Variants in DPYSL3 observed in about 807,000 individuals in gnomAD.
DPYSL3 encodes dihydropyrimidinase like 3, also known as dihydropyrimidinase-related protein 3.
In DPYSL3, 16 loss-of-function variants were observed where a neutral mutation model predicts 66.1. The ratio of observed to expected loss-of-function variants is 0.24; its 90% CI spans 0.16 to 0.37. DPYSL3 has a LOEUF of 0.37. DPYSL3 is among the 10% of genes least tolerant of loss of function. DPYSL3 has a pLI of 1.00. For missense variants in DPYSL3, 738 were observed against 916.2 expected, an observed-to-expected ratio of 0.81 and a Z score of 2.51; for synonymous variants, 338 against 345.1, an observed-to-expected ratio of 0.98 and a Z score of 0.23.
rs149517087 is a variant in DPYSL3, at chr5:147,482,220, C to T, written c.381+27258G>A. On this transcript the variant is annotated intron_variant, in intron 1 of 13. Coordinates refer to ENST00000343218, the MANE Select transcript of DPYSL3 (RefSeq NM_001197294.2). ...ATTTACCAAGGACTTAGTAATTACACGATAAACAATAGCTATCAGTTTGGA... is the reference window on the plus strand; with the variant it reads ...ATTTACCAAGGACTTAGTAATTACATGATAAACAATAGCTATCAGTTTGGA... Among the ~76,000 whole-genome samples, 934 of 152,254 alleles carry T rather than the reference C, an allele frequency of 6.1e-3. 20 individuals are homozygous for T. Among genetic ancestry groups the T allele is most frequent in the Non-Finnish European group, 2.7e-3 (187 of 68,014 alleles).
intron 1 of DPYSL3, among the ~76,000 whole-genome samples, chr5:147,438,275 AG>A (rs1752450811): frequency 6.6e-6 from 1 of 152,194 alleles, no homozygotes; most frequent in South Asian, 2.1e-4. Context: ...AACTTCTTCA[AG>A]TTGTATTGAT....
intron 1 of DPYSL3, among the ~76,000 whole-genome samples, chr5:147,437,209 G>A (rs1752428070): frequency 6.6e-6 from 1 of 152,172 alleles, no homozygotes; most frequent in South Asian, 2.1e-4. Flanking sequence ...CTGACAGCTG[G>A]CTTTGACAGG....
chr5:147,487,011 A>G lies in DPYSL3; in HGVS notation c.381+22467T>C, dbSNP rs560782750. 9.2e-5 allele frequency among the ~76,000 whole-genome samples: 14 copies of G among 152,280 alleles called. No homozygotes were observed. The South Asian group carries it at 1.9e-3, about 20-fold the overall frequency. On this transcript the variant is annotated intron_variant, in intron 1 of 13. Coordinates refer to ENST00000343218, the MANE Select transcript of DPYSL3 (RefSeq NM_001197294.2). ...GTTTAGCATTCTCCCCCTTTGCTTA[A>G]CAATGCCACATGCTATTAACTCCGA...
At chr5:147,406,476 C>T (rs1317869846) in intron 7 of DPYSL3, among the ~76,000 whole-genome samples, 1 of 152,186 alleles carries the variant, frequency 6.6e-6, no homozygotes, top group East Asian at 1.9e-4. Context: ...CCCAAAGCCT[C>T]AGTTTCCTTG....
chr5:147,435,133 A>G (rs1445659300), intron 1 of DPYSL3, among the ~76,000 whole-genome samples: 1 of 152,154 alleles, frequency 6.6e-6, no homozygotes, highest in Non-Finnish European at 1.5e-5. Flanking sequence ...GAGAGGAGAG[A>G]GGCAGGCAGA....
At chr5:147,494,743 GTGATAGGCGCCTGTATTCCCAGCTACTC>G (rs1753473474) in intron 1 of DPYSL3, among the ~76,000 whole-genome samples, 1 of 150,342 alleles carries the variant, frequency 6.7e-6, no homozygotes, top group Admixed American at 6.6e-5. Flanking sequence ...GCCGGGCATG[GTGATAGGCGCCTGTATTCCCAGCTACTC>G]AGGAGGCTGA....
rs762704588 is a variant in DPYSL3, at chr5:147,453,526, G to A, written c.382-28563C>T. The A allele has an allele frequency of 7.9e-6, 12 of 1,523,164 alleles. No individual in the cohort carries two copies. In the South Asian group the frequency reaches 1.5e-4, roughly 19 times the overall value. 94.4% of individuals were successfully genotyped at this position (1,523,164 alleles called of 1,614,324 possible). ...GGACAGGGAGCGAGCGAGGAGGGAG[G>A]GAGCAGCGGCGCCCGGACTCACCGT... On this transcript the variant is annotated intron_variant, in intron 1 of 13. Coordinates refer to ENST00000343218, the MANE Select transcript of DPYSL3 (RefSeq NM_001197294.2).
chr5:147,497,627 C>T (rs967887578), intron 1 of DPYSL3, among the ~76,000 whole-genome samples: 2 of 151,682 alleles, frequency 1.3e-5, no homozygotes, highest in African/African-American at 4.8e-5. Flanking sequence ...ATAATCCAAA[C>T]AGGCTAAAGA....
At chr5:147,455,273 G>C (rs1752826485) in intron 1 of DPYSL3, among the ~76,000 whole-genome samples, 1 of 152,154 alleles carries the variant, frequency 6.6e-6, no homozygotes. Flanking sequence ...GACACACAAA[G>C]CCCCCCTTAA....
chr5:147,420,046 C>G (rs1752048570), intron 2 of DPYSL3, among the ~76,000 whole-genome samples: 1 of 152,108 alleles, frequency 6.6e-6, no homozygotes, highest in Non-Finnish European at 1.5e-5. Context: ...ACTGCTCCAC[C>G]AACGAAGGCC....
chr5:147,398,154 T>C (rs1193231901), intron 11 of DPYSL3, among the ~76,000 whole-genome samples: 2 of 152,200 alleles, frequency 1.3e-5, no homozygotes, highest in Non-Finnish European at 2.9e-5. Flanking sequence ...ATCACTGTCT[T>C]GTATTGAGCA....
intron 1 of DPYSL3, among the ~76,000 whole-genome samples, chr5:147,497,392 A>G (rs1470400262): frequency 6.6e-6 from 1 of 152,080 alleles, no homozygotes; most frequent in Admixed American, 6.6e-5. Flanking sequence ...CTAAAACTTA[A>G]AGTATAATAA....
In DPYSL3 at chr5:147,424,919, A is replaced by C; in HGVS notation, c.426T>G (p.Asp142Glu). 6.2e-7 allele frequency: 1 copy of C among 1,613,388 alleles called. No homozygotes were observed. ...TGTAAATATCAGCATAAAAGGACTGATCATCATTGACGATTCTGCCTCCCT... is the reference window on the plus strand; with the variant it reads ...TGTAAATATCAGCATAAAAGGACTGCTCATCATTGACGATTCTGCCTCCCT... ...LIKGGRIVND[D>E]QSFYADIYME... Residue 142 changes from aspartate (D) to glutamate (E), a missense_variant, in exon 2 of 14, where the codon GAT becomes GAG. By Grantham distance (45) the Asp-to-Glu change is conservative. Transcript: ENST00000343218.
At chr5:147,466,760 G>T (rs997931735) in intron 1 of DPYSL3, among the ~76,000 whole-genome samples, 1 of 152,150 alleles carries the variant, frequency 6.6e-6, no homozygotes, top group Non-Finnish European at 1.5e-5. Flanking sequence ...AAGGGACTTT[G>T]GCTGTGTTGT....
At chr5:147,433,919 A>G (rs192329049) in intron 1 of DPYSL3, among the ~76,000 whole-genome samples, 6 of 151,904 alleles carry the variant, frequency 3.9e-5, no homozygotes, top group Non-Finnish European at 8.8e-5. Flanking sequence ...AATCCCAGCT[A>G]CTCAGGAGGC....
At chr5:147,440,260 G>A (rs1024948547) in intron 1 of DPYSL3, among the ~76,000 whole-genome samples, 11 of 152,150 alleles carry the variant, frequency 7.2e-5, no homozygotes, top group Admixed American at 1.3e-4. Flanking sequence ...CCTAGATCAC[G>A]CCACTACACT....
intron 1 of DPYSL3, among the ~76,000 whole-genome samples, chr5:147,451,811 C>T (rs1440668709): frequency 2.0e-5 from 3 of 152,162 alleles, no homozygotes; most frequent in African/African-American, 4.8e-5. Flanking sequence ...TCCCAATCAG[C>T]TTTTTCTCTT....
chr5:147,494,516 T>A (rs1330462893), intron 1 of DPYSL3, among the ~76,000 whole-genome samples: 1 of 151,688 alleles, frequency 6.6e-6, no homozygotes, highest in Non-Finnish European at 1.5e-5. Flanking sequence ...AGATACAAAT[T>A]ACTAATATCA....
At chr5:147,409,373 T>C (rs992583501) in intron 6 of DPYSL3, among the ~76,000 whole-genome samples, 4 of 152,248 alleles carry the variant, frequency 2.6e-5, no homozygotes, top group Non-Finnish European at 5.9e-5. Flanking sequence ...TCAGAAGATG[T>C]CAGGTTGAAT....
Sources: gnomAD v4.1 joint callset for allele counts (sites outside exome capture counted in the v4.1 genomes callset) on GRCh38, gnomAD v4.1.1 for gene constraint, MANE v1.5 for transcripts, NCBI Gene and HGNC (gene_info 2026-07-23, HGNC 2026-07-21) for gene names.